The following CADM1 variants were observed in gnomAD, a reference collection of about 807,000 sequenced individuals.
CADM1 encodes the protein cell adhesion molecule 1.
In CADM1, 15 loss-of-function variants were observed where a neutral mutation model predicts 53.1. The ratio of observed to expected loss-of-function variants is 0.28; its 90% CI spans 0.19 to 0.44. The LOEUF (loss-of-function observed/expected upper bound fraction) is 0.44, where lower values mean the gene tolerates loss of function less well. Among genes scored for constraint, CADM1 ranks in the 20% least tolerant of loss-of-function variants. CADM1 has a pLI of 1.00. For missense variants in CADM1, 434 were observed against 611.3 expected (o/e 0.71, Z 3.06); for synonymous variants, 281 against 243.0 (o/e 1.16, Z -1.45).
At chr11:115,410,267 C>T (rs905421353) in intron 1 of CADM1, among the ~76,000 whole-genome samples, 5 of 152,280 alleles carry the variant, frequency 3.3e-5, no homozygotes, top group East Asian at 1.9e-4. Flanking sequence ...AGCTTCTCTC[C>T]GATAACATCT....
chr11:115,331,873 C>CTTTTTTTT (rs141722707), intron 1 of CADM1, among the ~76,000 whole-genome samples: 3 of 146,832 alleles, frequency 2.0e-5, no homozygotes, highest in Non-Finnish European at 3.0e-5. Context: ...AAATATAGAC[C>CTTTTTTTT]TTTTTTTTTG....
intron 1 of CADM1, among the ~76,000 whole-genome samples, chr11:115,419,183 C>T (rs1383386386): frequency 1.3e-5 from 2 of 152,198 alleles, no homozygotes; most frequent in African/African-American, 4.8e-5. Flanking sequence ...CCTCTTTCAA[C>T]CCATCTTTAT....
chr11:115,456,129 T>C (rs544221792), intron 1 of CADM1, among the ~76,000 whole-genome samples: 5 of 152,120 alleles, frequency 3.3e-5, no homozygotes, highest in African/African-American at 4.8e-5. Flanking sequence ...TTGAATCAAG[T>C]ATAGTAAAAC....
intron 7 of CADM1, 196 bp downstream of exon 7, chr11:115,214,412 C>T: frequency 1.6e-6 from 1 of 610,580 alleles, no homozygotes; most frequent in Admixed American, 2.7e-5. Flanking sequence ...AAACACCCAC[C>T]ATTAGAGGGA....
At chr11:115,336,038 A>G (rs990893988) in intron 1 of CADM1, among the ~76,000 whole-genome samples, 2 of 152,156 alleles carry the variant, frequency 1.3e-5, no homozygotes, top group Non-Finnish European at 2.9e-5. Context: ...TGAGACAAGT[A>G]TGTAGCAAAA....
At chr11:115,209,347 C>A (rs147802309) in intron 8 of CADM1, among the ~76,000 whole-genome samples, 574 of 152,298 alleles carry the variant, frequency 3.8e-3, no homozygotes, top group Non-Finnish European at 6.0e-3. Flanking sequence ...AAAAAGAATT[C>A]TTTTATGCAT....
chr11:115,474,357 T>G (rs1213216088), intron 1 of CADM1, among the ~76,000 whole-genome samples: 1 of 150,132 alleles, frequency 6.7e-6, no homozygotes, highest in Non-Finnish European at 1.5e-5. Flanking sequence ...ACCAAGATAT[T>G]CATATCGCAA....
rs1940784626 is a variant in CADM1 at position 115,208,108 on chromosome 11, G to GT, written c.1078+1465dup. Among the ~76,000 whole-genome samples, 3 of 152,188 alleles carry GT rather than the reference G, an allele frequency of 2.0e-5. No homozygotes were observed. In the South Asian group the frequency reaches 6.2e-4, roughly 32 times the overall value. Reference sequence around the variant, plus strand: ...AGTTTACTTAAGTTTACAGAAGGAAGTAACAAAGAGCCAAAACAGAAACAC... The same window carrying GT: ...AGTTTACTTAAGTTTACAGAAGGAAGTTAACAAAGAGCCAAAACAGAAACAC... On this transcript the variant is annotated intron_variant, in intron 8 of 11. Coordinates refer to ENST00000331581, the MANE Select transcript of CADM1 (RefSeq NM_001301043.2).
At position 115,302,291 on chromosome 11, in the gene CADM1, C is replaced by T. The variant is rs556601738; in HGVS notation, c.125-61871G>A. ...TATGTAACAAACCTGCACATGTATT[C>T]CTGAATTTAAAGTTCAGAAAAACAG... On this transcript the variant is annotated intron_variant, in intron 1 of 11. Coordinates refer to ENST00000331581, the MANE Select transcript of CADM1 (RefSeq NM_001301043.2). Among the ~76,000 whole-genome samples, 29 of 152,196 alleles carry T rather than the reference C, an allele frequency of 1.9e-4. No homozygotes were observed. The South Asian group carries it at 5.8e-3, about 30-fold the overall frequency.
intron 1 of CADM1, among the ~76,000 whole-genome samples, chr11:115,492,725 A>G (rs11215574): frequency 0.3 from 45,934 of 152,028 alleles, 7,615 homozygotes; most frequent in East Asian, 0.6. Context: ...ACCATGGGAG[A>G]AAGAAAACAC....
At chr11:115,376,163 G>A (rs1479426249) in intron 1 of CADM1, among the ~76,000 whole-genome samples, 1 of 152,068 alleles carries the variant, frequency 6.6e-6, no homozygotes, top group Non-Finnish European at 1.5e-5. Context: ...CAGTAAGCAA[G>A]TACTTAATCT....
At chr11:115,284,332 C>T (rs1286442282) in intron 1 of CADM1, among the ~76,000 whole-genome samples, 3 of 151,960 alleles carry the variant, frequency 2.0e-5, no homozygotes, top group African/African-American at 7.3e-5. Context: ...TCGATGTTGT[C>T]TGTTGCCAGC....
intron 1 of CADM1, among the ~76,000 whole-genome samples, chr11:115,479,493 G>T (rs1446553823): frequency 6.6e-6 from 1 of 152,040 alleles, no homozygotes; most frequent in African/African-American, 2.4e-5. Flanking sequence ...GTACAAAATT[G>T]TCCCTCCTAA....
intron 1 of CADM1, among the ~76,000 whole-genome samples, chr11:115,253,582 T>C (rs892594912): frequency 5.9e-5 from 9 of 152,204 alleles, no homozygotes; most frequent in Non-Finnish European, 1.2e-4. Context: ...GGTAAAAATA[T>C]ACCCTTGAAT....
At chr11:115,220,477 C>T (rs1288576717) in intron 5 of CADM1, among the ~76,000 whole-genome samples, 1 of 152,112 alleles carries the variant, frequency 6.6e-6, no homozygotes, top group Non-Finnish European at 1.5e-5. Flanking sequence ...AACTGATTTT[C>T]CCAATTTACT....
chr11:115,189,580 AT>A (rs1344295309), intron 10 of CADM1, among the ~76,000 whole-genome samples: 1 of 152,156 alleles, frequency 6.6e-6, no homozygotes, highest in Non-Finnish European at 1.5e-5. Flanking sequence ...ATCCACCCTT[AT>A]TTTAAAATAA....
At chr11:115,397,279 A>C (rs1298353875) in intron 1 of CADM1, 2 of 152,154 alleles carry the variant, frequency 1.3e-5, no homozygotes, top group Non-Finnish European at 2.9e-5. Flanking sequence ...AAGATTGGTA[A>C]CTAATGGGTA....
At chr11:115,500,959 C>T (rs2135446427) in intron 1 of CADM1, among the ~76,000 whole-genome samples, 1 of 152,342 alleles carries the variant, frequency 6.6e-6, no homozygotes, top group Middle Eastern at 3.4e-3. Flanking sequence ...CTGTCCCACT[C>T]CCCTTTACCA....
At chr11:115,374,194 C>A (rs1343339698) in intron 1 of CADM1, among the ~76,000 whole-genome samples, 1 of 152,052 alleles carries the variant, frequency 6.6e-6, no homozygotes, top group Admixed American at 6.5e-5. Flanking sequence ...TTATCGCAAC[C>A]AGAAAAGGAT....
Sources: allele counts gnomAD v4.1 joint callset (sites outside exome capture counted in the v4.1 genomes callset), GRCh38; gene constraint gnomAD v4.1.1; transcripts MANE v1.5; gene names NCBI Gene and HGNC (gene_info 2026-07-23, HGNC 2026-07-21).